NOX4: variants seen among roughly 807,000 people sequenced by gnomAD.
NOX4 encodes NADPH oxidase 4, also known as kidney oxidase-1.
NOX4 carries 69 observed loss-of-function variants against 87.6 expected under a neutral mutation model. The observed-to-expected ratio is 0.79, with a 90% CI of 0.65 to 0.96. NOX4 has a LOEUF of 0.96. NOX4 is among the 40% of genes least tolerant of loss of function. The pLI, the probability that NOX4 is intolerant of heterozygous loss-of-function variation, is 0.00. For missense variants in NOX4, 680 were observed against 681.5 expected (o/e 1.00, Z 0.02); for synonymous variants, 275 against 238.2 (o/e 1.15, Z -1.42).
intron 8 of NOX4, among the ~76,000 whole-genome samples, chr11:89,409,907 C>T (rs1290529986): frequency 6.6e-6 from 1 of 151,788 alleles, no homozygotes; most frequent in East Asian, 1.9e-4. Flanking sequence ...AATTGAAGAA[C>T]TAAAAAGTGA....
the NOX4 span, among the ~76,000 whole-genome samples, chr11:89,522,527 A>G: frequency 1.3e-5 from 2 of 152,308 alleles, no homozygotes; most frequent in East Asian, 1.9e-4. Context: ...TGAAAAACCA[A>G]CTATTGAATA....
chr11:89,393,548 T>C (rs1941269808), intron 11 of NOX4, among the ~76,000 whole-genome samples: 1 of 152,166 alleles, frequency 6.6e-6, no homozygotes, highest in Non-Finnish European at 1.5e-5. Context: ...TCATGTCTTG[T>C]ACTTGCTTCT....
At chr11:89,410,786 G>A (rs958651253) in intron 8 of NOX4, among the ~76,000 whole-genome samples, 1 of 152,178 alleles carries the variant, frequency 6.6e-6, no homozygotes, top group African/African-American at 2.4e-5. Context: ...AACTTGAAAG[G>A]CAGTCTAGGT....
chr11:89,392,317 G>T (rs960717037), intron 11 of NOX4, among the ~76,000 whole-genome samples: 1 of 152,098 alleles, frequency 6.6e-6, no homozygotes, highest in African/African-American at 2.4e-5. Flanking sequence ...GGCTCCCTGG[G>T]CCACCTCAAG....
chr11:89,471,025 C>T (rs546974794), intron 2 of NOX4, among the ~76,000 whole-genome samples: 8 of 152,120 alleles, frequency 5.3e-5, no homozygotes, highest in African/African-American at 1.4e-4. Context: ...AGAAAGTGTC[C>T]GAGTGTCACT....
At chr11:89,400,919 C>T (rs542422190) in intron 9 of NOX4, among the ~76,000 whole-genome samples, 11 of 151,278 alleles carry the variant, frequency 7.3e-5, no homozygotes, top group Non-Finnish European at 1.3e-4. Context: ...ATGTTGTTTA[C>T]CACTTACTTT....
upstream of NOX4, among the ~76,000 whole-genome samples, chr11:89,501,662 C>A (rs181660143): frequency 1.3e-5 from 2 of 152,102 alleles, no homozygotes; most frequent in Non-Finnish European, 2.9e-5. Context: ...CAAGCCGAAC[C>A]AAGGAGAGAA....
At chr11:89,585,501 A>C in the NOX4 span, among the ~76,000 whole-genome samples, 1 of 152,206 alleles carries the variant, frequency 6.6e-6, no homozygotes, top group Non-Finnish European at 1.5e-5. Context: ...TAAATATTTT[A>C]GGCTTCATGG....
the NOX4 span, among the ~76,000 whole-genome samples, chr11:89,507,676 T>C: frequency 6.6e-6 from 1 of 151,960 alleles, no homozygotes; most frequent in Admixed American, 6.6e-5. Flanking sequence ...ATATCTCTTG[T>C]ATAACATTCT....
intron 2 of NOX4, among the ~76,000 whole-genome samples, chr11:89,473,916 G>T (rs1216470050): frequency 6.6e-6 from 1 of 152,152 alleles, no homozygotes; most frequent in Non-Finnish European, 1.5e-5. Context: ...AACACAGTAG[G>T]TACTCAGTTA....
intron 7 of NOX4, among the ~76,000 whole-genome samples, chr11:89,429,736 A>AAGTCC (rs1943671265): frequency 6.8e-6 from 1 of 147,166 alleles, no homozygotes; most frequent in Non-Finnish European, 1.5e-5. Flanking sequence ...CCAACCAAAA[A>AAGTCC]AGGACCAGAT....
intron 8 of NOX4, among the ~76,000 whole-genome samples, chr11:89,418,420 G>GATAATA (rs1363071273): frequency 1.1e-5 from 1 of 92,278 alleles, no homozygotes; most frequent in African/African-American, 3.6e-5. Context: ...GCTGAACATT[G>GATAATA]AGAATAATAA....
chr11:89,398,117 C>T (rs538074428), intron 11 of NOX4, among the ~76,000 whole-genome samples: 6 of 151,836 alleles, frequency 4.0e-5, no homozygotes, highest in African/African-American at 9.7e-5. Context: ...ACTTATCCAC[C>T]GAGATCAAGT....
At chr11:89,582,509 A>G in the NOX4 span, among the ~76,000 whole-genome samples, 1 of 152,210 alleles carries the variant, frequency 6.6e-6, no homozygotes, top group Non-Finnish European at 1.5e-5. Context: ...AGAGTGTACA[A>G]GGATTCCCTA....
intron 13 of NOX4, 22 bp downstream of exon 13, chr11:89,354,940 C>T: frequency 2.0e-6 from 3 of 1,512,018 alleles, no homozygotes; most frequent in Non-Finnish European, 2.7e-6. Flanking sequence ...TCATCAAAAC[C>T]CAGTGAACTC....
chr11:89,424,105 C>A (rs948075868), intron 7 of NOX4, among the ~76,000 whole-genome samples: 1 of 151,470 alleles, frequency 6.6e-6, no homozygotes, highest in African/African-American at 2.4e-5. Flanking sequence ...TAAGGAAGAA[C>A]TATATCTTTA....
At chr11:89,345,587 C>G (rs1190872691) in intron 13 of NOX4, among the ~76,000 whole-genome samples, 1 of 152,212 alleles carries the variant, frequency 6.6e-6, no homozygotes, top group Admixed American at 6.5e-5. Context: ...TGCACCTTTC[C>G]CTCCCACATC....
At chr11:89,529,719 T>A in the NOX4 span, among the ~76,000 whole-genome samples, 68 of 152,312 alleles carry the variant, frequency 4.5e-4, no homozygotes, top group African/African-American at 1.4e-3. Context: ...ATACACAAAT[T>A]CTTAAGTTCT....
chr11:89,564,613 T>C, the NOX4 span, among the ~76,000 whole-genome samples: 9 of 152,142 alleles, frequency 5.9e-5, no homozygotes, highest in Non-Finnish European at 1.0e-4. Flanking sequence ...TTCATAAAAA[T>C]AAGGTGGAGC....
Sources: gnomAD v4.1 joint callset for allele counts (sites outside exome capture counted in the v4.1 genomes callset) on GRCh38, gnomAD v4.1.1 for gene constraint, MANE v1.5 for transcripts, NCBI Gene and HGNC (gene_info 2026-07-23, HGNC 2026-07-21) for gene names.